NR2F1-AS1: variants seen among roughly 807,000 people sequenced by gnomAD.
The protein encoded by NR2F1-AS1 is NR2F1 antisense RNA 1.
intron 4 of NR2F1-AS1, among the ~76,000 whole-genome samples, chr5:93,530,885 T>A (rs1172685838): frequency 1.3e-5 from 2 of 152,174 alleles, no homozygotes; most frequent in African/African-American, 4.8e-5. Context: ...GTTACTTTTC[T>A]TAAGTTTAAT....
At chr5:93,576,069 C>T (rs2149932555) in intron 1 of NR2F1-AS1, among the ~76,000 whole-genome samples, 1 of 152,276 alleles carries the variant, frequency 6.6e-6, no homozygotes, top group Middle Eastern at 3.4e-3. Flanking sequence ...TAGATGATGT[C>T]TATTCAAAGT....
At chr5:93,542,440 C>CT (rs1751974150) in intron 4 of NR2F1-AS1, 1 of 152,072 alleles carries the variant, frequency 6.6e-6, no homozygotes, top group Non-Finnish European at 1.5e-5. Context: ...TTGCCGGTCT[C>CT]TCCCCACCAG....
At chr5:93,431,937 G>GA (rs1749334149) in intron 4 of NR2F1-AS1, among the ~76,000 whole-genome samples, 1 of 152,240 alleles carries the variant, frequency 6.6e-6, no homozygotes, top group Admixed American at 6.5e-5. Context: ...TTTGTTCCCA[G>GA]AATGAGTAAT....
intron 4 of NR2F1-AS1, among the ~76,000 whole-genome samples, chr5:93,486,006 C>A (rs1296673398): frequency 7.6e-6 from 1 of 132,114 alleles, no homozygotes; most frequent in Non-Finnish European, 1.6e-5. Flanking sequence ...AGTAAACTAT[C>A]GCAAGAACAA....
At chr5:93,510,419 T>A (rs1033336116) in intron 4 of NR2F1-AS1, among the ~76,000 whole-genome samples, 2 of 152,134 alleles carry the variant, frequency 1.3e-5, no homozygotes, top group Non-Finnish European at 2.9e-5. Context: ...ATTCCCTTAG[T>A]GGCATCTAAC....
intron 4 of NR2F1-AS1, chr5:93,542,329 G>A (rs1751969860): frequency 6.6e-6 from 1 of 151,910 alleles, no homozygotes; most frequent in South Asian, 2.1e-4. Context: ...TTTCAGTAAT[G>A]GAAGGTTAGG....
upstream of NR2F1-AS1, among the ~76,000 whole-genome samples, chr5:93,581,729 TCTCTCCCCCTCTCCCTCTCC>T (rs1753055390): frequency 5.6e-5 from 2 of 35,532 alleles, no homozygotes; most frequent in Non-Finnish European, 9.8e-5. Flanking sequence ...TCTCTCTCTC[TCTCTCCCCCTCTCCCTCTCC>T]CTCTCCCTCT....
At chr5:93,478,933 G>T (rs537743640) in intron 4 of NR2F1-AS1, among the ~76,000 whole-genome samples, 1 of 152,334 alleles carries the variant, frequency 6.6e-6, no homozygotes, top group African/African-American at 2.4e-5. Context: ...GTGGAGGAAA[G>T]TGATGTCATG....
At chr5:93,555,855 T>C (rs148217794) in intron 2 of NR2F1-AS1, among the ~76,000 whole-genome samples, 11 of 152,286 alleles carry the variant, frequency 7.2e-5, no homozygotes, top group African/African-American at 2.6e-4. Context: ...TATCAACATG[T>C]GAAAATATTA....
intron 4 of NR2F1-AS1, among the ~76,000 whole-genome samples, chr5:93,509,534 G>T (rs1314879967): frequency 6.6e-6 from 1 of 151,984 alleles, no homozygotes; most frequent in Non-Finnish European, 1.5e-5. Context: ...TATAAAGCTG[G>T]AGGAAGAATA....
chr5:93,533,272 A>G (rs1751770372), intron 4 of NR2F1-AS1, among the ~76,000 whole-genome samples: 1 of 152,174 alleles, frequency 6.6e-6, no homozygotes, highest in African/African-American at 2.4e-5. Flanking sequence ...GAATGAATAA[A>G]TTAGTGAGTG....
At position 93,579,405 on chromosome 5, in the gene NR2F1-AS1, C is replaced by T. The variant is rs1473879958; in HGVS notation, n.313+1062G>A. ...CAACTTCTCCCCACCGCTAGGGTCA[C>T]GCCGGGTCCCAGGGGCCTCTTTCAA... On this transcript the variant is annotated intron_variant and non_coding_transcript_variant, in intron 1 of 5. Transcript: ENST00000660523. This position sits in a 1 kb window ranked among gnomAD's most constrained non-coding sequence, Gnocchi z 5.1. Among the ~76,000 whole-genome samples, 4 of 152,284 alleles carry T rather than the reference C, an allele frequency of 2.6e-5. No homozygotes were observed. In the East Asian group the frequency reaches 5.8e-4, roughly 22 times the overall value.
At chr5:93,421,571 GC>G (rs1580209243) in intron 4 of NR2F1-AS1, among the ~76,000 whole-genome samples, 2 of 152,174 alleles carry the variant, frequency 1.3e-5, no homozygotes, top group East Asian at 3.8e-4. Context: ...GGGCTTTTCA[GC>G]TGCTATGAAA....
At chr5:93,469,583 A>G (rs2149869352) in intron 4 of NR2F1-AS1, among the ~76,000 whole-genome samples, 1 of 152,220 alleles carries the variant, frequency 6.6e-6, no homozygotes, top group South Asian at 2.1e-4. Context: ...AAGTTTATCT[A>G]GTTTGTAAGT....
chr5:93,581,048 G>C (rs1282842483), upstream of NR2F1-AS1: 3 of 152,362 alleles, frequency 2.0e-5, no homozygotes, highest in African/African-American at 7.2e-5. Flanking sequence ...GGAGAGACCA[G>C]GAAGCGCAAA....
chr5:93,413,220 A>ATATATATG (rs1294769583), intron 4 of NR2F1-AS1, among the ~76,000 whole-genome samples: 1 of 146,568 alleles, frequency 6.8e-6, no homozygotes, highest in African/African-American at 2.6e-5. Context: ...ATATATATAT[A>ATATATATG]TGTGTGTGTA....
chr5:93,480,330 G>T (rs183551239), intron 4 of NR2F1-AS1, among the ~76,000 whole-genome samples: 1 of 152,146 alleles, frequency 6.6e-6, no homozygotes, highest in African/African-American at 2.4e-5. Flanking sequence ...ATTTTTATGA[G>T]AAACTATGGA....
chr5:93,507,222 T>G (rs1424219097), intron 4 of NR2F1-AS1, among the ~76,000 whole-genome samples: 1 of 152,250 alleles, frequency 6.6e-6, no homozygotes, highest in East Asian at 1.9e-4. Flanking sequence ...TAGTAAAATT[T>G]TAAAGCATTC....
intron 1 of NR2F1-AS1, among the ~76,000 whole-genome samples, chr5:93,569,711 C>T (rs1404651415): frequency 6.6e-6 from 1 of 152,228 alleles, no homozygotes; most frequent in Non-Finnish European, 1.5e-5. Context: ...ATGTTATTAC[C>T]TCTAAGATGA....
Sources: gnomAD v4.1 joint callset for allele counts (sites outside exome capture counted in the v4.1 genomes callset) on GRCh38, gnomAD v4.1.1 for gene constraint, Gnocchi (gnomAD v3.1) non-coding constraint, MANE v1.5 for transcripts, NCBI Gene and HGNC (gene_info 2026-07-23, HGNC 2026-07-21) for gene names.